PDZRN3: variants seen among roughly 807,000 people sequenced by gnomAD.
PDZRN3 encodes the protein PDZ domain containing ring finger 3, also known as E3 ubiquitin-protein ligase PDZRN3.
In PDZRN3, 38 loss-of-function variants were observed where a neutral mutation model predicts 85.7. The observed-to-expected ratio is 0.44, with a 90% CI of 0.34 to 0.58. The LOEUF (loss-of-function observed/expected upper bound fraction) is 0.58, where lower values mean the gene tolerates loss of function less well. Ranked by LOEUF, PDZRN3 falls within the 20% of genes least tolerant of loss-of-function variation. The pLI, the probability that PDZRN3 is intolerant of heterozygous loss-of-function variation, is 0.01. For synonymous variants in PDZRN3, 759 were observed against 638.0 expected (o/e 1.19, Z -2.86); for missense variants, 1,629 against 1,506.4 (o/e 1.08, Z -1.35).
intron 3 of PDZRN3, among the ~76,000 whole-genome samples, chr3:73,511,753 C>G (rs956932173): frequency 6.6e-6 from 1 of 152,186 alleles, no homozygotes; most frequent in South Asian, 2.1e-4. Context: ...GACTGGCGGC[C>G]GCATCTAAAA....
chr3:73,507,206 T>G (rs555095980), intron 3 of PDZRN3, among the ~76,000 whole-genome samples: 1 of 152,118 alleles, frequency 6.6e-6, no homozygotes, highest in Non-Finnish European at 1.5e-5. Flanking sequence ...CTCGCTCTTG[T>G]CCCCCAAGCT....
intron 2 of PDZRN3, among the ~76,000 whole-genome samples, chr3:73,605,286 A>G (rs567676020): frequency 1.3e-5 from 2 of 152,084 alleles, no homozygotes; most frequent in Non-Finnish European, 2.9e-5. Context: ...CTCCTAAGAG[A>G]GTTAGTTACA....
At chr3:73,534,647 C>G (rs984032453) in intron 3 of PDZRN3, among the ~76,000 whole-genome samples, 1 of 152,126 alleles carries the variant, frequency 6.6e-6, no homozygotes, top group African/African-American at 2.4e-5. Context: ...CAGCAGGAGC[C>G]CCTAGGTCTT....
At chr3:73,422,703 C>A (rs1177086058) in intron 3 of PDZRN3, among the ~76,000 whole-genome samples, 1 of 152,110 alleles carries the variant, frequency 6.6e-6, no homozygotes, top group Non-Finnish European at 1.5e-5. Context: ...GTGGTTGACT[C>A]CCTCCCTTTC....
chr3:73,556,155 T>C (rs1286632259), intron 3 of PDZRN3, among the ~76,000 whole-genome samples: 1 of 152,228 alleles, frequency 6.6e-6, no homozygotes, highest in Non-Finnish European at 1.5e-5. Context: ...GAAATTTTTC[T>C]AGTGGCTTAA....
At chr3:73,390,782 G>A (rs932235140) in intron 6 of PDZRN3, among the ~76,000 whole-genome samples, 3 of 151,922 alleles carry the variant, frequency 2.0e-5, no homozygotes, top group South Asian at 2.1e-4. Context: ...CCATGTAAAC[G>A]GCTCCATTTT....
intron 3 of PDZRN3, among the ~76,000 whole-genome samples, chr3:73,559,981 C>T (rs1325134105): frequency 1.3e-5 from 2 of 152,202 alleles, no homozygotes; most frequent in Non-Finnish European, 2.9e-5. Context: ...GCGGGAGCAG[C>T]TCTGCCATGC....
chr3:73,481,939 G>A lies in PDZRN3; in HGVS notation c.919-77544C>T, dbSNP rs1703570239. Among the ~76,000 whole-genome samples the A allele has an allele frequency of 5.3e-5, 8 of 152,162 alleles. 1 individual carries two copies. The South Asian group carries it at 1.7e-3, about 32-fold the overall frequency. On this transcript the variant is annotated intron_variant, in intron 3 of 9. Transcript: ENST00000263666. ...CCCCACACAAAGCTAGCTAGTGGTA[G>A]CATTAAGGACTAAACACAGATGTCC...
Position 73,385,744 on chromosome 3 carries a change from C to T in PDZRN3, c.1560G>A (p.Leu520=). The T allele has an allele frequency of 1.9e-6, 3 of 1,613,950 alleles. No homozygotes were observed. The highest frequency in any genetic ancestry group is 2.2e-5 in the South Asian group (2 of 91,070). The change falls in exon 9 of 10, where the codon CTG becomes CTA. Residue 520 remains leucine (L), a synonymous_variant. Coordinates refer to ENST00000263666, the MANE Select transcript of PDZRN3 (RefSeq NM_015009.3). ...GWMDDDRNDF[L]DDLHMDMLEE... ...CCAGCATGTCCATGTGCAGGTCATC[C>T]AGAAAGTCGTTCCTGTCATCATCCA... is the stretch of plus-strand genomic sequence containing the variant.
chr3:73,561,462 G>A (rs993997636), intron 3 of PDZRN3: 1 of 152,200 alleles, frequency 6.6e-6, no homozygotes, highest in Non-Finnish European at 1.5e-5. Flanking sequence ...AGGGAAAGCT[G>A]GGGTGCCTCA....
intron 3 of PDZRN3, among the ~76,000 whole-genome samples, chr3:73,476,358 T>C (rs995177968): frequency 1.3e-5 from 2 of 152,186 alleles, no homozygotes; most frequent in African/African-American, 4.8e-5. Flanking sequence ...CTACACACTT[T>C]CCAACAACCA....
At chr3:73,512,433 T>C (rs1704183832) in intron 3 of PDZRN3, among the ~76,000 whole-genome samples, 1 of 152,250 alleles carries the variant, frequency 6.6e-6, no homozygotes, top group Non-Finnish European at 1.5e-5. Flanking sequence ...ATCCACATTC[T>C]TTTAACATTG....
intron 3 of PDZRN3, among the ~76,000 whole-genome samples, chr3:73,581,955 C>A (rs542450500): frequency 6.6e-6 from 1 of 151,916 alleles, no homozygotes; most frequent in Non-Finnish European, 1.5e-5. Flanking sequence ...AAGAAATTAG[C>A]TGTGTGTGGT....
At chr3:73,581,227 T>C (rs1244106458) in intron 3 of PDZRN3, among the ~76,000 whole-genome samples, 2 of 152,256 alleles carry the variant, frequency 1.3e-5, no homozygotes, top group East Asian at 1.9e-4. Context: ...TGATGTTTTT[T>C]ATTTTTCCTC....
At chr3:73,406,347 G>A (rs1359247378) in intron 3 of PDZRN3, among the ~76,000 whole-genome samples, 2 of 152,184 alleles carry the variant, frequency 1.3e-5, no homozygotes, top group Non-Finnish European at 2.9e-5. Flanking sequence ...CTTGGCATGG[G>A]AAGGAATGGG....
At chr3:73,445,888 T>G (rs901612451) in intron 3 of PDZRN3, among the ~76,000 whole-genome samples, 1 of 152,200 alleles carries the variant, frequency 6.6e-6, no homozygotes, top group African/African-American at 2.4e-5. Context: ...ATTGAAGTGA[T>G]TTAAAATAGT....
At chr3:73,550,475 G>A (rs2106802819) in intron 3 of PDZRN3, among the ~76,000 whole-genome samples, 1 of 152,246 alleles carries the variant, frequency 6.6e-6, no homozygotes, top group South Asian at 2.1e-4. Flanking sequence ...TCTAAGGCAG[G>A]GCCCAGGAAT....
intron 3 of PDZRN3, among the ~76,000 whole-genome samples, chr3:73,525,223 T>C (rs1049544473): frequency 3.9e-5 from 6 of 152,164 alleles, no homozygotes; most frequent in African/African-American, 1.4e-4. Context: ...TGTTTCAGCA[T>C]TTATAATAAC....
intron 3 of PDZRN3, among the ~76,000 whole-genome samples, chr3:73,423,215 G>T (rs1036707767): frequency 6.6e-6 from 1 of 152,176 alleles, no homozygotes; most frequent in Non-Finnish European, 1.5e-5. Context: ...TCCCAAAATA[G>T]AAAACAGCTG....
Sources: allele counts gnomAD v4.1 joint callset (sites outside exome capture counted in the v4.1 genomes callset), GRCh38; gene constraint gnomAD v4.1.1; transcripts MANE v1.5; gene names NCBI Gene and HGNC (gene_info 2026-07-23, HGNC 2026-07-21).